DACH1: variants seen among roughly 807,000 people sequenced by gnomAD.
DACH1 encodes the protein dachshund homolog 1.
DACH1 carries 12 observed loss-of-function variants against 54.2 expected under a neutral mutation model. The ratio of observed to expected loss-of-function variants is 0.22; its 90% CI spans 0.14 to 0.36. The LOEUF (loss-of-function observed/expected upper bound fraction) is 0.36. Ranked by LOEUF, DACH1 falls within the 10% of genes least tolerant of loss-of-function variation. The pLI is 1.00. For synonymous variants in DACH1, 386 were observed against 366.2 expected, an observed-to-expected ratio of 1.05 and a Z score of -0.62; for missense variants, 805 against 929.8, an observed-to-expected ratio of 0.87 and a Z score of 1.75.
intron 2 of DACH1, among the ~76,000 whole-genome samples, chr13:71,657,142 C>T (rs1227456222): frequency 6.6e-6 from 1 of 151,436 alleles, no homozygotes; most frequent in Admixed American, 6.6e-5. Context: ...TTAGAGTCCT[C>T]ATTTTATTAA....
At chr13:71,683,546 G>A (rs1881012281) in intron 1 of DACH1, among the ~76,000 whole-genome samples, 1 of 152,100 alleles carries the variant, frequency 6.6e-6, no homozygotes, top group East Asian at 1.9e-4. Context: ...TATTGCCTAG[G>A]GCTAGATCCT....
chr13:71,491,123 G>T (rs1392817752), intron 6 of DACH1, among the ~76,000 whole-genome samples: 5 of 152,106 alleles, frequency 3.3e-5, no homozygotes, highest in Admixed American at 2.6e-4. Flanking sequence ...CTGTTGTGTG[G>T]ATTAAATCAT....
At chr13:71,548,706 C>A (rs1883614448) in intron 6 of DACH1, among the ~76,000 whole-genome samples, 1 of 152,060 alleles carries the variant, frequency 6.6e-6, no homozygotes, top group African/African-American at 2.4e-5. Context: ...TGCCTGAGCC[C>A]AGGAGTTCGA....
At chr13:71,844,600 T>C (rs1012469286) in intron 1 of DACH1, among the ~76,000 whole-genome samples, 1 of 152,166 alleles carries the variant, frequency 6.6e-6, no homozygotes, top group African/African-American at 2.4e-5. Flanking sequence ...TTCAAGACTT[T>C]GACATGACAT....
chr13:71,611,812 C>G (rs1270438906), intron 3 of DACH1, among the ~76,000 whole-genome samples: 1 of 152,038 alleles, frequency 6.6e-6, no homozygotes, highest in Non-Finnish European at 1.5e-5. Context: ...TAAAACACTG[C>G]TGATGAAAGC....
chr13:71,622,877 A>C (rs956555993), intron 3 of DACH1, among the ~76,000 whole-genome samples: 3 of 151,806 alleles, frequency 2.0e-5, no homozygotes, highest in Non-Finnish European at 4.4e-5. Flanking sequence ...TAGAATTAGC[A>C]ATATTGAAAT....
intron 4 of DACH1, among the ~76,000 whole-genome samples, chr13:71,561,579 C>T (rs1884587801): frequency 6.6e-6 from 1 of 152,114 alleles, no homozygotes; most frequent in South Asian, 2.1e-4. Context: ...GCATGGTCCT[C>T]ATGAACTCCT....
At position 71,866,256 on chromosome 13, in the gene DACH1, C is replaced by G. The variant is rs1874749709; in HGVS notation, c.514G>C (p.Val172Leu). The G allele has an allele frequency of 1.2e-6, 2 of 1,603,556 alleles. No individual in the cohort carries two copies. The highest frequency in any genetic ancestry group is 1.7e-6 in the Non-Finnish European group (2 of 1,174,540). The change falls in exon 1 of 11, where the codon GTG becomes CTG. Residue 172 changes from valine to leucine, a missense_variant. Val to Leu is a conservative substitution (Grantham distance 32). Around this residue, in one of 3 missense-constraint regions of DACH1, gnomAD observed 305 missense variants for 308.7 expected, o/e 0.99. Coordinates refer to ENST00000613252, the MANE Select transcript of DACH1 (RefSeq NM_080759.6). The part of the protein sequence containing the change: ...SSCGPLPGKP[V>L]YSTPSPVENT... ...TCCACTGGGGACGGGGTTGAGTACA[C>G]GGGTTTCCCGGGGAGGGGGCCGCAG...
intron 6 of DACH1, among the ~76,000 whole-genome samples, chr13:71,546,174 T>C (rs769724529): frequency 1.4e-4 from 22 of 152,160 alleles, no homozygotes; most frequent in Non-Finnish European, 2.9e-4. Context: ...TTTTAAATCA[T>C]CCTATCAACT....
chr13:71,712,748 A>C (rs1341861388), intron 1 of DACH1, among the ~76,000 whole-genome samples: 1 of 152,126 alleles, frequency 6.6e-6, no homozygotes, highest in Non-Finnish European at 1.5e-5. Flanking sequence ...ATAAATACTT[A>C]TTTCAACCTA....
chr13:71,828,450 A>T (rs1888464202), intron 1 of DACH1, among the ~76,000 whole-genome samples: 1 of 152,002 alleles, frequency 6.6e-6, no homozygotes, highest in African/African-American at 2.4e-5. Context: ...CGTGCCATCG[A>T]CATCCAAATA....
intron 7 of DACH1, among the ~76,000 whole-genome samples, chr13:71,482,967 A>G (rs1878177528): frequency 6.6e-6 from 1 of 151,628 alleles, no homozygotes; most frequent in Admixed American, 6.6e-5. Context: ...TACCCGGCTT[A>G]TTTTTTTGTA....
chr13:71,727,058 T>C (rs895444522), intron 1 of DACH1, among the ~76,000 whole-genome samples: 5 of 152,038 alleles, frequency 3.3e-5, no homozygotes, highest in African/African-American at 9.7e-5. Flanking sequence ...TTTTCCGCTT[T>C]TGTAAAATGC....
intron 10 of DACH1, among the ~76,000 whole-genome samples, chr13:71,467,391 C>T (rs1490778169): frequency 6.7e-6 from 1 of 148,990 alleles, no homozygotes; most frequent in Non-Finnish European, 1.5e-5. Context: ...GCAGATATAC[C>T]TAATGCTAAA....
chr13:71,658,563 TA>T (rs1162282433), intron 2 of DACH1, among the ~76,000 whole-genome samples: 1 of 151,940 alleles, frequency 6.6e-6, no homozygotes, highest in African/African-American at 2.4e-5. Flanking sequence ...AAAAAAGTAA[TA>T]AAAAAAGCAC....
intron 3 of DACH1, among the ~76,000 whole-genome samples, chr13:71,625,192 A>T (rs1371375473): frequency 1.3e-5 from 2 of 151,950 alleles, no homozygotes; most frequent in Admixed American, 6.6e-5. Flanking sequence ...TTATAGCAGC[A>T]TCATCTGTTT....
chr13:71,842,273 C>T (rs1201456379), intron 1 of DACH1, among the ~76,000 whole-genome samples: 5 of 152,076 alleles, frequency 3.3e-5, no homozygotes, highest in East Asian at 1.9e-4. Context: ...TTGGAGAAAA[C>T]GCTTTATAGT....
Position 71,771,895 on chromosome 13 carries a change from GA to G in DACH1, c.849-89986del, listed in dbSNP as rs375932133. On this transcript the variant is annotated intron_variant, in intron 1 of 10. Coordinates refer to ENST00000613252, the MANE Select transcript of DACH1 (RefSeq NM_080759.6). The stretch of plus-strand genomic sequence containing the variant: ...TTATGGTTGAAGATGAGTAAAGGAT[GA>G]AAAAAAAAAGCCACTATAATTAAAA... Among the ~76,000 whole-genome samples the G allele has an allele frequency of 4.9e-3, 683 of 140,118 alleles. 3 individuals carry two copies. Among genetic ancestry groups the G allele is most frequent in the African/African-American group, 0.016 (618 of 38,558 alleles). 91.9% of individuals were successfully genotyped at this position (140,118 alleles called of 152,430 possible). A position where few individuals can be genotyped will look rare whatever the true frequency, so the allele number is the denominator to read the frequency against.
At chr13:71,531,701 G>A (rs893656093) in intron 6 of DACH1, among the ~76,000 whole-genome samples, 6 of 151,924 alleles carry the variant, frequency 3.9e-5, no homozygotes, top group Non-Finnish European at 8.8e-5. Flanking sequence ...CTGGGAAATA[G>A]AAGTAAGATT....
Sources: gnomAD v4.1 joint callset for allele counts (sites outside exome capture counted in the v4.1 genomes callset) on GRCh38, gnomAD v4.1.1 for gene constraint, gnomAD v4.1.1 regional missense constraint, MANE v1.5 for transcripts, NCBI Gene and HGNC (gene_info 2026-07-23, HGNC 2026-07-21) for gene names.